Variants in ARID1B observed in about 807,000 individuals in gnomAD.
ARID1B encodes AT-rich interaction domain 1B, also known as AT-rich interactive domain-containing protein 1B.
In ARID1B, 30 loss-of-function variants were observed where a neutral mutation model predicts 212.3. That is an observed-to-expected ratio of 0.14 (90% CI 0.11 to 0.19). ARID1B has a LOEUF of 0.19. Ranked by LOEUF, ARID1B falls within the 10% of genes least tolerant of loss-of-function variation. The pLI, the probability that ARID1B is intolerant of heterozygous loss-of-function variation, is 1.00. For synonymous variants in ARID1B, 1,402 were observed against 1,301.7 expected (o/e 1.08, Z -1.66); for missense variants, 2,891 against 3,204.0 (o/e 0.90, Z 2.36).
intron 2 of ARID1B, among the ~76,000 whole-genome samples, chr6:156,830,870 T>C (rs908273076): frequency 2.6e-5 from 4 of 152,226 alleles, no homozygotes; most frequent in Non-Finnish European, 5.9e-5. Flanking sequence ...AAGGCCATTA[T>C]TGGGGAAGAT....
At chr6:157,175,034 T>G (rs771428226) in intron 11 of ARID1B, 29 bp downstream of exon 11, 11 of 1,344,310 alleles carry the variant, frequency 8.2e-6, no homozygotes, top group African/African-American at 1.5e-5. Context: ...TTTTTGTTTT[T>G]TTTGTTTTTT....
chr6:156,985,631 C>G (rs1777873440), intron 4 of ARID1B: 1 of 152,096 alleles, frequency 6.6e-6, no homozygotes, highest in South Asian at 2.1e-4. Context: ...AAAAGTTTTG[C>G]TTTTTATAAA....
intron 1 of ARID1B, among the ~76,000 whole-genome samples, chr6:156,786,279 A>T (rs1779623423): frequency 6.6e-6 from 1 of 152,094 alleles, no homozygotes; most frequent in Admixed American, 6.5e-5. Context: ...AGGTGGTGCC[A>T]TGTCCTTTTC....
chr6:157,175,172 A>G, intron 11 of ARID1B, 167 bp downstream of exon 11: 1 of 581,404 alleles, frequency 1.7e-6, no homozygotes, highest in Non-Finnish European at 2.5e-6. Flanking sequence ...AATATTAGTG[A>G]CAAAATGAAT....
chr6:156,936,928 G>T (rs1226616723), intron 4 of ARID1B: 1 of 152,146 alleles, frequency 6.6e-6, no homozygotes, highest in Non-Finnish European at 1.5e-5. Context: ...TGTATATGCA[G>T]ATTTAGAGAA....
chr6:156,777,831 G>C lies in ARID1B; in HGVS notation c.151G>C (p.Ala51Pro). Residue 51 changes from alanine to proline, a missense_variant, in exon 1 of 20, where the codon GCG becomes CCG. Around this residue, in one of 7 missense-constraint regions of ARID1B, gnomAD observed 1,643 missense variants for 1,544.0 expected, o/e 1.06. Transcript: ENST00000636930. Reference protein sequence around the residue: ...EAGARGAAAAAAAPGPMLGGG... With the variant: ...EAGARGAAAAPAAPGPMLGGG... ...GGGGGCGCGCGGCGCGGCGGCGGCG[G>C]CGGCGGCACCGGGACCCATGCTGGG... 1 of 1,123,000 alleles carries C rather than the reference G, an allele frequency of 8.9e-7. No homozygotes were observed. Among genetic ancestry groups the C allele is most frequent in the African/African-American group, 1.7e-5 (1 of 60,592 alleles). 69.6% of individuals were successfully genotyped at this position (1,123,000 alleles called of 1,614,324 possible).
chr6:157,069,990 G>A (rs543240469), intron 4 of ARID1B, among the ~76,000 whole-genome samples: 1 of 152,238 alleles, frequency 6.6e-6, no homozygotes, highest in Non-Finnish European at 1.5e-5. Context: ...CAGTAGGTCA[G>A]TTGATATCAT....
At chr6:156,997,871 A>G (rs1023371846) in intron 4 of ARID1B, among the ~76,000 whole-genome samples, 6 of 152,238 alleles carry the variant, frequency 3.9e-5, no homozygotes, top group African/African-American at 9.6e-5. Flanking sequence ...AAAATAAACT[A>G]TAAGCATAAA....
intron 1 of ARID1B, among the ~76,000 whole-genome samples, chr6:156,810,386 G>A (rs965187439): frequency 3.6e-4 from 55 of 152,186 alleles, no homozygotes; most frequent in African/African-American, 1.3e-3. Flanking sequence ...TTATAGATGA[G>A]GGGATTGAGG....
At position 156,779,231 on chromosome 6, in the gene ARID1B, C is replaced by T. The variant is rs1462797724; in HGVS notation, c.1551C>T (p.Gly517=). ...TSPSPMMRSY[G]GSYPEYSSPS... is the part of the protein sequence containing the mutation. The stretch of plus-strand genomic sequence containing the variant: ...CCAGCCCCATGATGCGGAGCTACGG[C>T]GGCAGCTACCCCGAGTACAGCAGCC... The change falls in exon 1 of 20, where the codon GGC becomes GGT. Residue 517 remains glycine, a synonymous_variant. Coordinates refer to ENST00000636930, the MANE Select transcript of ARID1B (RefSeq NM_001374828.1). 1.6e-6 allele frequency: 2 copies of T among 1,249,328 alleles called. No individual in the cohort carries two copies. The highest frequency in any genetic ancestry group is 2.0e-6 in the Non-Finnish European group (2 of 988,202). 77.4% of individuals were successfully genotyped at this position (1,249,328 alleles called of 1,614,324 possible). A position where few individuals can be genotyped will look rare whatever the true frequency, so the allele number is the denominator to read the frequency against.
intron 3 of ARID1B, among the ~76,000 whole-genome samples, chr6:156,929,187 A>G (rs983270510): frequency 6.6e-6 from 1 of 152,182 alleles, no homozygotes; most frequent in Non-Finnish European, 1.5e-5. Context: ...TGTGCACAGT[A>G]CCTGTCACAA....
chr6:156,914,554 C>G (rs1421771572), intron 3 of ARID1B, among the ~76,000 whole-genome samples: 1 of 152,142 alleles, frequency 6.6e-6, no homozygotes, highest in East Asian at 1.9e-4. Context: ...CAGTGTTGGC[C>G]CCTCTTTTTT....
At position 157,190,905 on chromosome 6, in the gene ARID1B, C is replaced by T. The variant is rs1445292000; in HGVS notation, c.4231+695C>T. On this transcript the variant is annotated intron_variant, in intron 15 of 19. Transcript: ENST00000636930. This position sits in a 1 kb window ranked among gnomAD's most constrained non-coding sequence, Gnocchi z 4.6. ...GGAGGGAAGGGCCCTGAGGACCTGT[C>T]ATGGGGGTGGTGGTGGGAATGAGCT... Among the ~76,000 whole-genome samples, 1 of 148,924 alleles carries T rather than the reference C, an allele frequency of 6.7e-6. No homozygotes were observed. Among genetic ancestry groups the T allele is most frequent in the Non-Finnish European group, 1.5e-5 (1 of 67,414 alleles).
At chr6:157,035,983 A>G (rs888936318) in intron 4 of ARID1B, among the ~76,000 whole-genome samples, 12 of 152,182 alleles carry the variant, frequency 7.9e-5, no homozygotes, top group Admixed American at 7.2e-4. Flanking sequence ...CACCTGCCAC[A>G]CATGCCTAGT....
chr6:156,872,892 C>T (rs1786258439), intron 2 of ARID1B, among the ~76,000 whole-genome samples: 1 of 152,070 alleles, frequency 6.6e-6, no homozygotes, highest in Non-Finnish European at 1.5e-5. Context: ...CTGTTTTTCC[C>T]CTGGAACCCC....
At chr6:156,947,656 G>T (rs1054582163) in intron 4 of ARID1B, among the ~76,000 whole-genome samples, 3 of 150,064 alleles carry the variant, frequency 2.0e-5, no homozygotes, top group African/African-American at 7.3e-5. Context: ...AAAAAATCAA[G>T]CCCCTCCCCC....
intron 1 of ARID1B, among the ~76,000 whole-genome samples, chr6:156,805,379 G>A (rs187145855): frequency 6.6e-6 from 1 of 152,278 alleles, no homozygotes; most frequent in Non-Finnish European, 1.5e-5. Context: ...TGGGAATAAT[G>A]ATAATATCTA....
chr6:157,107,050 T>C (rs1373479849), intron 5 of ARID1B, among the ~76,000 whole-genome samples: 2 of 152,176 alleles, frequency 1.3e-5, no homozygotes, highest in African/African-American at 4.8e-5. Flanking sequence ...GGAAAATAGA[T>C]TGTACTGAGA....
intron 4 of ARID1B, among the ~76,000 whole-genome samples, chr6:157,073,779 GTTA>G (rs1474107497): frequency 6.6e-6 from 1 of 152,214 alleles, no homozygotes; most frequent in Non-Finnish European, 1.5e-5. Context: ...TAGCTGCCAT[GTTA>G]TTATTCAACA....
Sources: gnomAD v4.1 joint callset for allele counts (sites outside exome capture counted in the v4.1 genomes callset) on GRCh38, gnomAD v4.1.1 for gene constraint, gnomAD v4.1.1 regional missense constraint, Gnocchi (gnomAD v3.1) non-coding constraint, MANE v1.5 for transcripts, NCBI Gene and HGNC (gene_info 2026-07-23, HGNC 2026-07-21) for gene names.